FMN2: variants seen among roughly 807,000 people sequenced by gnomAD.
FMN2 encodes formin-2.
FMN2 carries 51 observed loss-of-function variants against 142.3 expected under a neutral mutation model. That is an observed-to-expected ratio of 0.36 (90% CI 0.29 to 0.45). The LOEUF is 0.45. FMN2 is among the 20% of genes least tolerant of loss of function. The probability of loss-of-function intolerance (pLI) is 1.00; values close to 1 mark genes in which losing one functional copy is unlikely to be tolerated. For synonymous variants in FMN2, 882 were observed against 869.8 expected (o/e 1.01, Z -0.25); for missense variants, 1,936 against 2,122.8 (o/e 0.91, Z 1.73).
intron 6 of FMN2, among the ~76,000 whole-genome samples, chr1:240,228,574 C>T (rs1383680194): frequency 6.6e-6 from 1 of 151,954 alleles, no homozygotes; most frequent in Non-Finnish European, 1.5e-5. Context: ...AACCCTCATA[C>T]ACCGCTGGTG....
chr1:240,284,692 G>A (rs1441134322), intron 7 of FMN2, among the ~76,000 whole-genome samples: 1 of 152,144 alleles, frequency 6.6e-6, no homozygotes, highest in Non-Finnish European at 1.5e-5. Flanking sequence ...AACTTTCTAA[G>A]TTGTAATCTG....
chr1:240,102,298 A>G (rs1396893307), intron 1 of FMN2, among the ~76,000 whole-genome samples: 1 of 152,206 alleles, frequency 6.6e-6, no homozygotes, highest in Admixed American at 6.5e-5. Context: ...GGACTAGAAT[A>G]GAACTATTTC....
At chr1:240,172,385 GTGTAGGTGAGATAA>G (rs1664742122) in intron 2 of FMN2, among the ~76,000 whole-genome samples, 1 of 152,194 alleles carries the variant, frequency 6.6e-6, no homozygotes, top group Admixed American at 6.5e-5. Context: ...TAGAGATGAT[GTGTAGGTGAGATAA>G]TGATTTTCAA....
intron 13 of FMN2, among the ~76,000 whole-genome samples, chr1:240,349,954 ATT>A (rs34827249): frequency 6.9e-6 from 1 of 144,656 alleles, no homozygotes. Flanking sequence ...AGTGTTCGGT[ATT>A]TTTTTTTTTT....
rs757908642 is a variant in FMN2, at chr1:240,207,252, C to T, written c.2440C>T (p.Pro814Ser). The change falls in exon 5 of 18, where the codon CCA (proline) becomes TCA (serine). Residue 814 changes from proline (P) to serine (S), a missense_variant. Coordinates refer to ENST00000319653, the MANE Select transcript of FMN2 (RefSeq NM_020066.5). ...GAGCATCTCACAGCCTCCACCACCT[C>T]CATCCCTTCTGTGGTCTGCTGGGCA... is the stretch of plus-strand genomic sequence containing the variant. ...TQSISQPPPP[P>S]SLLWSAGQGQ... 2 of 1,614,050 alleles carry T rather than the reference C, an allele frequency of 1.2e-6. No individual in the cohort carries two copies. Among genetic ancestry groups the T allele is most frequent in the Non-Finnish European group, 1.7e-6 (2 of 1,179,960 alleles).
intron 4 of FMN2, among the ~76,000 whole-genome samples, chr1:240,202,961 T>C (rs1666185178): frequency 6.6e-6 from 1 of 152,178 alleles, no homozygotes; most frequent in African/African-American, 2.4e-5. Flanking sequence ...ATAATCATAG[T>C]TCATGAAAAA....
At chr1:240,122,279 T>C (rs985650658) in intron 1 of FMN2, among the ~76,000 whole-genome samples, 4 of 150,718 alleles carry the variant, frequency 2.7e-5, no homozygotes, top group Non-Finnish European at 5.9e-5. Flanking sequence ...ATTTATTTAT[T>C]TGAGATGGAG....
At chr1:240,214,760 A>G (rs1483597110) in intron 6 of FMN2, among the ~76,000 whole-genome samples, 1 of 151,962 alleles carries the variant, frequency 6.6e-6, no homozygotes, top group Non-Finnish European at 1.5e-5. Flanking sequence ...TTTGGTGATC[A>G]AATAAGGATT....
chr1:240,170,641 G>A, intron 2 of FMN2: 2 of 1,575,966 alleles, frequency 1.3e-6, no homozygotes, highest in South Asian at 1.1e-5. Flanking sequence ...TATCTCTGTT[G>A]CTAAAATAGA....
intron 6 of FMN2, among the ~76,000 whole-genome samples, chr1:240,233,391 GAAAA>G (rs61268991): frequency 2.6e-5 from 3 of 116,722 alleles, no homozygotes; most frequent in African/African-American, 8.4e-5. Context: ...TCTCAAAAAA[GAAAA>G]AAAAAAAAAA....
At chr1:240,167,865 T>G (rs2103304240) in intron 2 of FMN2, among the ~76,000 whole-genome samples, 1 of 152,078 alleles carries the variant, frequency 6.6e-6, no homozygotes, top group South Asian at 2.1e-4. Flanking sequence ...TCGCTTGAGG[T>G]CAGGAGTTCG....
chr1:240,258,504 G>A (rs1247987472), intron 7 of FMN2, among the ~76,000 whole-genome samples: 4 of 152,104 alleles, frequency 2.6e-5, no homozygotes, highest in South Asian at 4.1e-4. Context: ...CTGATCCCAC[G>A]CACGAGAATT....
chr1:240,254,874 C>T (rs960318724), intron 6 of FMN2, among the ~76,000 whole-genome samples: 2 of 152,134 alleles, frequency 1.3e-5, no homozygotes, highest in Admixed American at 1.3e-4. Flanking sequence ...GGCCAGGATG[C>T]AGTCTGGTGG....
chr1:240,357,771 C>G (rs1397963859), intron 14 of FMN2, among the ~76,000 whole-genome samples: 1 of 152,070 alleles, frequency 6.6e-6, no homozygotes. Flanking sequence ...CCACGCCCGG[C>G]TAATTTTTTG....
intron 2 of FMN2, chr1:240,170,558 T>G: frequency 6.4e-7 from 1 of 1,561,850 alleles, no homozygotes. Flanking sequence ...ACCAGCAGAT[T>G]TACTTGCAAA....
At chr1:240,099,880 T>A (rs890837060) in intron 1 of FMN2, among the ~76,000 whole-genome samples, 4 of 152,156 alleles carry the variant, frequency 2.6e-5, no homozygotes, top group Non-Finnish European at 5.9e-5. Context: ...CCTCCTTGCC[T>A]GTTCACCCGA....
chr1:240,351,238 A>AG, intron 13 of FMN2, among the ~76,000 whole-genome samples: 1 of 152,326 alleles, frequency 6.6e-6, no homozygotes, highest in East Asian at 1.9e-4. Context: ...GTCATTCCGC[A>AG]GGGGGTGCAC....
At chr1:240,178,170 C>T in intron 3 of FMN2, 102 bp downstream of exon 3, 1 of 1,273,570 alleles carries the variant, frequency 7.9e-7, no homozygotes, top group Non-Finnish European at 1.0e-6. Flanking sequence ...TTTTTAATTG[C>T]ATGGCATTCA....
chr1:240,368,974 A>AT (rs1553370054), intron 14 of FMN2, among the ~76,000 whole-genome samples: 47 of 120,634 alleles, frequency 3.9e-4, no homozygotes, highest in Non-Finnish European at 3.2e-4. Flanking sequence ...TATATATATA[A>AT]ACACAGAGTA....
Sources: gnomAD v4.1 joint callset for allele counts (sites outside exome capture counted in the v4.1 genomes callset) on GRCh38, gnomAD v4.1.1 for gene constraint, MANE v1.5 for transcripts, NCBI Gene and HGNC (gene_info 2026-07-23, HGNC 2026-07-21) for gene names.